The following GAN variants were observed in gnomAD, a reference collection of about 807,000 sequenced individuals.
GAN encodes the protein gigaxonin.
A neutral mutation model predicts 71.3 loss-of-function variants in GAN; 48 were observed. The observed-to-expected ratio is 0.67, with a 90% CI of 0.53 to 0.86. The LOEUF (loss-of-function observed/expected upper bound fraction) is 0.86. Among genes scored for constraint, GAN ranks in the 40% least tolerant of loss-of-function variants. The pLI, the probability that GAN is intolerant of heterozygous loss-of-function variation, is 0.00. For synonymous variants in GAN, 386 were observed against 276.8 expected, an observed-to-expected ratio of 1.39 and a Z score of -3.92; for missense variants, 928 against 770.1, an observed-to-expected ratio of 1.21 and a Z score of -2.43.
chr16:81,354,410 G>T lies in GAN; in HGVS notation c.288G>T (p.Arg96Ser), dbSNP rs781296328. The change falls in exon 3 of 11, where the codon AGG becomes AGT. Residue 96 changes from arginine to serine, a missense_variant. Transcript: ENST00000648994. ...TAATTATGCTACTTTTTTAGATCAG[G>T]CTAAATGAAGATACAATCCAAGATG... is the stretch of plus-strand genomic sequence containing the variant. ...ILDYIFSGQI[R>S]LNEDTIQDVV... 6.2e-7 allele frequency: 1 copy of T among 1,602,052 alleles called. No individual in the cohort carries two copies. Among genetic ancestry groups the T allele is most frequent in the Non-Finnish European group, 8.6e-7 (1 of 1,169,064 alleles).
chr16:81,330,341 G>A (rs1909534415), intron 1 of GAN, among the ~76,000 whole-genome samples: 1 of 152,256 alleles, frequency 6.6e-6, no homozygotes, highest in Admixed American at 6.5e-5. Flanking sequence ...GGAGCATTTT[G>A]TGCCAGAAAG....
rs1400629862 is a variant in GAN, at chr16:81,379,467, G to A, written c.*1871G>A. On this transcript the variant is annotated 3_prime_UTR_variant, in exon 11 of 11. Transcript: ENST00000648994. ...CATGTAATTCAATCATGTTTAATAT[G>A]TCAGTCAAAACCAAATTCAGAATTG... The A allele has an allele frequency of 6.6e-6, 1 of 152,190 alleles. No individual in the cohort carries two copies. Among genetic ancestry groups the A allele is most frequent in the Non-Finnish European group, 1.5e-5 (1 of 68,042 alleles). 9.4% of individuals were successfully genotyped at this position (152,190 alleles called of 1,614,324 possible).
At chr16:81,335,544 C>T (rs1345154943) in intron 1 of GAN, among the ~76,000 whole-genome samples, 1 of 151,902 alleles carries the variant, frequency 6.6e-6, no homozygotes, top group African/African-American at 2.4e-5. Context: ...GTCAGGAGTT[C>T]GAGACCAGCC....
Position 81,386,425 on chromosome 16 carries a change from G to A in GAN, c.*8829G>A, listed in dbSNP as rs1016819682. On this transcript the variant is annotated 3_prime_UTR_variant, in exon 11 of 11. Transcript: ENST00000648994. Reference sequence around the variant, plus strand: ...CAAGTACTTGTGTGTACGTGCATGTGTGTTTGTGCATGTGTCTGTGTGTGT... The same window carrying A: ...CAAGTACTTGTGTGTACGTGCATGTATGTTTGTGCATGTGTCTGTGTGTGT... 26 of 152,200 alleles carry A rather than the reference G, an allele frequency of 1.7e-4. No homozygotes were observed. Among genetic ancestry groups the A allele is most frequent in the Admixed American group, 1.4e-3 (21 of 15,278 alleles). 9.4% of individuals were successfully genotyped at this position (152,200 alleles called of 1,614,324 possible).
chr16:81,384,426 G>A lies in GAN; in HGVS notation c.*6830G>A, dbSNP rs1567503937. On this transcript the variant is annotated 3_prime_UTR_variant, in exon 11 of 11. Transcript: ENST00000648994. ...AACTTTAAAGAGTCTTTAAAAGGCT[G>A]TTTTCATAATGCAGAAAAGTAGTCT... 6.6e-6 allele frequency: 1 copy of A among 152,172 alleles called. No individual in the cohort carries two copies. The highest frequency in any genetic ancestry group is 1.9e-4 in the East Asian group (1 of 5,180). 9.4% of individuals were successfully genotyped at this position (152,172 alleles called of 1,614,324 possible). A position where few individuals can be genotyped will look rare whatever the true frequency, so the allele number is the denominator to read the frequency against.
chr16:81,377,127 T>C, intron 9 of GAN, 92 bp from the exon 10 acceptor site: 1 of 830,552 alleles, frequency 1.2e-6, no homozygotes, highest in Non-Finnish European at 2.2e-6. Context: ...CTGATACTGC[T>C]GATGACTCAC....
At position 81,354,729 on chromosome 16, in the gene GAN, A is replaced by C. The variant is rs780919096; in HGVS notation, c.607A>C (p.Ile203Leu). The C allele has an allele frequency of 1.3e-6, 2 of 1,596,320 alleles. No individual in the cohort carries two copies. Among genetic ancestry groups the C allele is most frequent in the Non-Finnish European group, 1.7e-6 (2 of 1,163,654 alleles). The change falls in exon 3 of 11, where the codon ATA (isoleucine) becomes CTA (leucine). Residue 203 changes from isoleucine to leucine, a missense_variant. Ile to Leu is a conservative substitution (Grantham distance 5). Coordinates refer to ENST00000648994, the MANE Select transcript of GAN (RefSeq NM_022041.4). The stretch of plus-strand genomic sequence containing the variant: ...TGTCTTTGAAGCAGTAATTCGATGG[A>C]TAGCACATGATACAGAAATAAGAAA... ...RYVFEAVIRW[I>L]AHDTEIRKVH...
chr16:81,334,315 G>T (rs984304831), intron 1 of GAN, among the ~76,000 whole-genome samples: 8 of 152,178 alleles, frequency 5.3e-5, no homozygotes, highest in African/African-American at 1.7e-4. Context: ...CCTGGGAGTT[G>T]CTTCTGCACC....
At chr16:81,351,525 ATATT>A (rs1191795745) in intron 1 of GAN, 54 bp from the exon 2 acceptor site, 1 of 788,928 alleles carries the variant, frequency 1.3e-6, no homozygotes, top group Non-Finnish European at 2.3e-6. Flanking sequence ...GAGTACATAA[ATATT>A]TATAGCTATT....
intron 1 of GAN, among the ~76,000 whole-genome samples, chr16:81,350,837 G>A (rs1305195187): frequency 6.6e-6 from 1 of 152,044 alleles, no homozygotes; most frequent in African/African-American, 2.4e-5. Flanking sequence ...CTTTAACATA[G>A]CACAAAAGAG....
chr16:81,315,563 C>A (rs1435255143), intron 1 of GAN, among the ~76,000 whole-genome samples: 1 of 152,082 alleles, frequency 6.6e-6, no homozygotes, highest in Non-Finnish European at 1.5e-5. Flanking sequence ...CCTTGTCCCT[C>A]CCGGTTCCCA....
chr16:81,364,347 G>A (rs1161262635), intron 7 of GAN, among the ~76,000 whole-genome samples: 2 of 152,010 alleles, frequency 1.3e-5, no homozygotes, highest in East Asian at 3.9e-4. Context: ...TTGGCTCACT[G>A]CAACCTCTTT....
intron 1 of GAN, among the ~76,000 whole-genome samples, chr16:81,329,117 C>T (rs1391789881): frequency 6.6e-6 from 1 of 151,956 alleles, no homozygotes; most frequent in Admixed American, 6.6e-5. Context: ...CAAGGCCTAT[C>T]CTCCCTGACT....
At chr16:81,357,979 G>A (rs765497027) in intron 5 of GAN, 48 bp downstream of exon 5, 39 of 1,507,666 alleles carry the variant, frequency 2.6e-5, no homozygotes, top group East Asian at 2.3e-4. Context: ...CAAGTAATGT[G>A]TAATCTCAAG....
intron 5 of GAN, among the ~76,000 whole-genome samples, chr16:81,361,110 A>G (rs990793180): frequency 6.6e-6 from 1 of 152,186 alleles, no homozygotes; most frequent in Admixed American, 6.5e-5. Flanking sequence ...CTGTAATCCC[A>G]GATATTCAGG....
intron 5 of GAN, among the ~76,000 whole-genome samples, chr16:81,361,365 C>G (rs1306028820): frequency 6.7e-6 from 1 of 150,186 alleles, no homozygotes; most frequent in Admixed American, 6.7e-5. Flanking sequence ...ACTGAAAACA[C>G]TACTAATTTG....
intron 9 of GAN, among the ~76,000 whole-genome samples, chr16:81,367,016 G>A (rs1017834611): frequency 6.6e-6 from 1 of 151,940 alleles, no homozygotes; most frequent in Admixed American, 6.6e-5. Flanking sequence ...GTAGAGGCAG[G>A]GTTTCACTAT....
intron 2 of GAN, among the ~76,000 whole-genome samples, chr16:81,353,286 C>T (rs1402477689): frequency 5.0e-5 from 4 of 79,652 alleles, no homozygotes; most frequent in East Asian, 7.3e-4. Context: ...AGCGAGACTC[C>T]GTCTCAAAAA....
At chr16:81,363,604 A>T (rs1373440870) in intron 6 of GAN, among the ~76,000 whole-genome samples, 190 bp from the exon 7 acceptor site, 1 of 152,194 alleles carries the variant, frequency 6.6e-6, no homozygotes. Context: ...CCAGTCTCCC[A>T]GGTACCAAGC....
Sources: gnomAD v4.1 joint callset for allele counts (sites outside exome capture counted in the v4.1 genomes callset) on GRCh38, gnomAD v4.1.1 for gene constraint, MANE v1.5 for transcripts, NCBI Gene and HGNC (gene_info 2026-07-23, HGNC 2026-07-21) for gene names.